Variants in NFIB observed in about 807,000 individuals in gnomAD.
NFIB encodes nuclear factor I B, also known as nuclear factor 1 B-type.
A neutral mutation model predicts 61.5 loss-of-function variants in NFIB; 11 were observed. The ratio of observed to expected loss-of-function variants is 0.18; its 90% CI spans 0.11 to 0.30. The LOEUF (loss-of-function observed/expected upper bound fraction) is 0.30, where lower values mean the gene tolerates loss of function less well. Ranked by LOEUF, NFIB falls within the 10% of genes least tolerant of loss-of-function variation. The pLI, the probability that NFIB is intolerant of heterozygous loss-of-function variation, is 1.00. For synonymous variants in NFIB, 260 were observed against 216.5 expected (o/e 1.20, Z -1.76); for missense variants, 471 against 608.9 (o/e 0.77, Z 2.38).
chr9:14,237,666 T>C (rs1028720889), intron 2 of NFIB, among the ~76,000 whole-genome samples: 3 of 152,048 alleles, frequency 2.0e-5, no homozygotes, highest in Admixed American at 6.6e-5. Flanking sequence ...TAGCCCAATA[T>C]AAGAGGTCAG....
At chr9:14,436,721 C>T in the NFIB span, among the ~76,000 whole-genome samples, 1 of 152,156 alleles carries the variant, frequency 6.6e-6, no homozygotes, top group African/African-American at 2.4e-5. Context: ...TCTGATTGTG[C>T]TATATCAATA....
At chr9:14,433,613 G>A in the NFIB span, among the ~76,000 whole-genome samples, 1 of 152,108 alleles carries the variant, frequency 6.6e-6, no homozygotes, top group African/African-American at 2.4e-5. Flanking sequence ...TATAGCCCTG[G>A]CAAGGCTCAA....
upstream of NFIB, among the ~76,000 whole-genome samples, chr9:14,315,403 TCG>T (rs766064932): frequency 2.5e-3 from 379 of 148,732 alleles, 1 homozygote; most frequent in Middle Eastern, 7.0e-3. Flanking sequence ...GCGCCCGGCT[TCG>T]CTCTCCTCCT....
intron 6 of NFIB, among the ~76,000 whole-genome samples, chr9:14,143,957 G>A (rs2042014563): frequency 6.7e-6 from 1 of 148,324 alleles, no homozygotes; most frequent in Non-Finnish European, 1.5e-5. Flanking sequence ...TGCACATTAC[G>A]AAGTCTTCAG....
At chr9:14,410,738 A>G in the NFIB span, among the ~76,000 whole-genome samples, 1 of 152,196 alleles carries the variant, frequency 6.6e-6, no homozygotes, top group African/African-American at 2.4e-5. Flanking sequence ...GACACGAAAC[A>G]ACTCCCACTT....
intron 2 of NFIB, among the ~76,000 whole-genome samples, chr9:14,293,293 TG>T (rs1249744082): frequency 1.3e-5 from 2 of 152,206 alleles, no homozygotes; most frequent in Admixed American, 6.5e-5. Context: ...CCCAGGCACA[TG>T]GTCGAAAATG....
chr9:14,302,736 C>G (rs10810129), intron 2 of NFIB, among the ~76,000 whole-genome samples: 121,175 of 151,712 alleles, frequency 0.8, 53,222 homozygotes, highest in Non-Finnish European at 0.97. Flanking sequence ...ATCCCACTCC[C>G]GCCCCCCGAC....
At chr9:14,159,331 A>G (rs551534317) in intron 3 of NFIB, among the ~76,000 whole-genome samples, 57 of 152,350 alleles carry the variant, frequency 3.7e-4, no homozygotes, top group African/African-American at 1.3e-3. Flanking sequence ...AAACCATGAA[A>G]AGCATTGGAA....
At chr9:14,459,952 C>T in the NFIB span, among the ~76,000 whole-genome samples, 1 of 152,028 alleles carries the variant, frequency 6.6e-6, no homozygotes, top group Non-Finnish European at 1.5e-5. Context: ...TTGTGGAAGT[C>T]AGTGTGGCGA....
At chr9:14,298,549 A>T (rs1203485328) in intron 2 of NFIB, among the ~76,000 whole-genome samples, 2 of 152,100 alleles carry the variant, frequency 1.3e-5, no homozygotes, top group Non-Finnish European at 2.9e-5. Flanking sequence ...TGTAGCAAGG[A>T]GGGCTGCAAA....
intron 6 of NFIB, among the ~76,000 whole-genome samples, chr9:14,132,414 G>C (rs992165155): frequency 2.0e-5 from 3 of 152,094 alleles, no homozygotes; most frequent in Non-Finnish European, 4.4e-5. Flanking sequence ...TAACGTTAAG[G>C]TTTGTTTTAT....
chr9:14,216,536 CTCTCTCCCTCTGTGTGTGTG>C (rs1307967027), intron 2 of NFIB, among the ~76,000 whole-genome samples: 60 of 31,646 alleles, frequency 1.9e-3, no homozygotes, highest in African/African-American at 7.3e-3. Flanking sequence ...CTCTCTCTCT[CTCTCTCCCTCTGTGTGTGTG>C]TGTGTGTGTG....
At chr9:14,398,410 A>G (rs1330395431) in intron 1 of NFIB, 1 of 699,456 alleles carries the variant, frequency 1.4e-6, no homozygotes, top group Non-Finnish European at 2.3e-6. Context: ...TGCAACAGGA[A>G]GGACCTTCTC....
intron 2 of NFIB, chr9:14,204,249 T>C (rs2049374012): frequency 1.6e-6 from 1 of 616,838 alleles, no homozygotes; most frequent in African/African-American, 1.8e-5. Context: ...CTGCCCAAGA[T>C]GTGGAAAGGA....
At chr9:14,309,601 T>G (rs565958339) in intron 1 of NFIB, among the ~76,000 whole-genome samples, 1 of 152,212 alleles carries the variant, frequency 6.6e-6, no homozygotes, top group African/African-American at 2.4e-5. Context: ...AATCTGTTCT[T>G]TGTGTGGGAA....
the NFIB span, among the ~76,000 whole-genome samples, chr9:14,519,311 C>G: frequency 4.6e-5 from 7 of 152,222 alleles, no homozygotes; most frequent in South Asian, 2.1e-4. Context: ...GATTGGATCT[C>G]TGCTTTCCAG....
At chr9:14,525,582 T>C in the NFIB span, among the ~76,000 whole-genome samples, 1 of 152,194 alleles carries the variant, frequency 6.6e-6, no homozygotes, top group Non-Finnish European at 1.5e-5. Context: ...CATTGGTTTC[T>C]TTTACCCTTA....
chr9:14,392,004 T>C (rs1324458816), intron 1 of NFIB, among the ~76,000 whole-genome samples: 2 of 152,200 alleles, frequency 1.3e-5, no homozygotes, highest in Non-Finnish European at 2.9e-5. Flanking sequence ...CCAGGTGGAT[T>C]CTCTGCTGGT....
chr9:14,201,036 A>C (rs1037500923), intron 2 of NFIB, among the ~76,000 whole-genome samples: 1 of 152,130 alleles, frequency 6.6e-6, no homozygotes, highest in Non-Finnish European at 1.5e-5. Context: ...TTCAGTTGTC[A>C]GCCCAGACTC....
Sources: gnomAD v4.1 joint callset for allele counts (sites outside exome capture counted in the v4.1 genomes callset) on GRCh38, gnomAD v4.1.1 for gene constraint, MANE v1.5 for transcripts, NCBI Gene and HGNC (gene_info 2026-07-23, HGNC 2026-07-21) for gene names.